The following TTC27 variants were observed in gnomAD, a reference collection of about 807,000 sequenced individuals.
The protein encoded by TTC27 is tetratricopeptide repeat domain 27.
A neutral mutation model predicts 115.9 loss-of-function variants in TTC27; 79 were observed. The observed-to-expected ratio is 0.68, with a 90% CI of 0.57 to 0.82. The LOEUF is 0.82. TTC27 is among the 40% of genes least tolerant of loss of function. The pLI is 0.00. For synonymous variants in TTC27, 401 were observed against 356.0 expected (o/e 1.13, Z -1.42); for missense variants, 1,054 against 993.1 (o/e 1.06, Z -0.82).
rs3081615 is a variant in TTC27 at position 32,795,725 on chromosome 2, G to GTATTATTATTATTATTATTATTATTAT, written c.1998+8581_1998+8607dup. On this transcript the variant is annotated intron_variant, in intron 16 of 19. Transcript: ENST00000317907. ...ATGTCACCATGCCCGGCTAATTTTT[G>GTATTATTATTATTATTATTATTATTAT]TATTATTATTATTATTATTATTATT... Among the ~76,000 whole-genome samples, 1,035 of 138,672 alleles carry GTATTATTATTATTATTATTATTATTAT rather than the reference G, an allele frequency of 7.5e-3. 6 individuals carry two copies. Among genetic ancestry groups the GTATTATTATTATTATTATTATTATTAT allele is most frequent in the South Asian group, 0.012 (48 of 4,112 alleles). The allele number at this position is 138,672 out of a possible 152,430, so 91.0% of individuals were successfully genotyped here. A position where few individuals can be genotyped will look rare whatever the true frequency, so the allele number is the denominator to read the frequency against.
At chr2:32,790,918 G>C (rs939122834) in intron 16 of TTC27, among the ~76,000 whole-genome samples, 1 of 152,112 alleles carries the variant, frequency 6.6e-6, no homozygotes, top group Non-Finnish European at 1.5e-5. Flanking sequence ...GTTTTGCTCA[G>C]TCCTTACCTA....
chr2:32,679,026 A>ATTTCCTTAGGTGGCAGT, intron 9 of TTC27, 104 bp downstream of exon 9: 1 of 922,746 alleles, frequency 1.1e-6, no homozygotes, highest in Non-Finnish European at 1.7e-6. Flanking sequence ...CTGCCACCTA[A>ATTTCCTTAGGTGGCAGT]GGAAATAAGG....
At chr2:32,806,634 T>A (rs9679050) in intron 16 of TTC27, among the ~76,000 whole-genome samples, 1 of 151,746 alleles carries the variant, frequency 6.6e-6, no homozygotes, top group Non-Finnish European at 1.5e-5. Context: ...CAGAAAAAAT[T>A]AGCCGGGCAT....
At chr2:32,685,742 A>G (rs1368014916) in intron 9 of TTC27, among the ~76,000 whole-genome samples, 1 of 152,214 alleles carries the variant, frequency 6.6e-6, no homozygotes, top group Non-Finnish European at 1.5e-5. Flanking sequence ...GATTAAGTGC[A>G]TCTAGCTAAA....
rs559076763 is a variant in TTC27 at position 32,788,565 on chromosome 2, G to A, written c.1998+1416G>A. On this transcript the variant is annotated intron_variant, in intron 16 of 19. Coordinates refer to ENST00000317907, the MANE Select transcript of TTC27 (RefSeq NM_017735.5). ...GTCAGTCTGATCCTGTTAATCTTCTGTCCTGTGCCTCCATTTTCTAACTAA... is the reference window on the plus strand; with the variant it reads ...GTCAGTCTGATCCTGTTAATCTTCTATCCTGTGCCTCCATTTTCTAACTAA... Among the ~76,000 whole-genome samples, 22 of 152,276 alleles carry A rather than the reference G, an allele frequency of 1.4e-4. No individual in the cohort carries two copies. In the South Asian group the frequency reaches 4.4e-3, roughly 30 times the overall value.
chr2:32,797,173 C>CAA lies in TTC27; in HGVS notation c.1998+10041_1998+10042dup, dbSNP rs61136534. Among the ~76,000 whole-genome samples, 571 of 80,478 alleles carry CAA rather than the reference C, an allele frequency of 7.1e-3. 10 individuals carry two copies. The highest frequency in any genetic ancestry group is 0.022 in the African/African-American group (492 of 22,436). 52.8% of individuals were successfully genotyped at this position (80,478 alleles called of 152,430 possible). A position where few individuals can be genotyped will look rare whatever the true frequency, so the allele number is the denominator to read the frequency against. The stretch of plus-strand genomic sequence containing the variant: ...TGGGAGACAGAGTGAAACTCTGTCT[C>CAA]AAAAAAAAAAAAAAAAAAGAGACAG... On this transcript the variant is annotated intron_variant, in intron 16 of 19. Transcript: ENST00000317907.
chr2:32,695,346 G>A (rs952208576), intron 9 of TTC27, among the ~76,000 whole-genome samples: 6 of 152,092 alleles, frequency 3.9e-5, no homozygotes, highest in Non-Finnish European at 8.8e-5. Context: ...CACTTTGGGA[G>A]GCCAAGGCGG....
chr2:32,661,836 G>C (rs147192352), intron 5 of TTC27, among the ~76,000 whole-genome samples: 258 of 152,240 alleles, frequency 1.7e-3, no homozygotes, highest in Admixed American at 3.9e-3. Flanking sequence ...GGGCATCCTT[G>C]TCTTGTGCCA....
intron 15 of TTC27, among the ~76,000 whole-genome samples, chr2:32,782,917 T>G (rs1344435415): frequency 6.6e-6 from 1 of 152,204 alleles, no homozygotes; most frequent in Non-Finnish European, 1.5e-5. Context: ...ACTTGAAATC[T>G]TTATTTATTA....
chr2:32,733,906 C>G lies in TTC27; in HGVS notation c.1312C>G (p.Pro438Ala). 3 of 1,610,422 alleles carry G rather than the reference C, an allele frequency of 1.9e-6. No homozygotes were observed. The highest frequency in any genetic ancestry group is 2.5e-6 in the Non-Finnish European group (3 of 1,177,974). ...LKIFYCCQVPPHWAIQRQLAS... is the reference protein window; with the variant it reads ...LKIFYCCQVPAHWAIQRQLAS... ...GATTTTCTATTGCTGTCAAGTACCA[C>G]CTCACTGGGCCATTCAGGTATTTCT... The change falls in exon 11 of 20, where the codon CCT becomes GCT. Residue 438 changes from proline to alanine, a missense_variant. Pro to Ala is a conservative substitution (Grantham distance 27). Coordinates refer to ENST00000317907, the MANE Select transcript of TTC27 (RefSeq NM_017735.5).
chr2:32,780,350 C>A (rs561129549), intron 14 of TTC27, among the ~76,000 whole-genome samples: 10 of 152,238 alleles, frequency 6.6e-5, no homozygotes, highest in African/African-American at 2.2e-4. Context: ...TTATAGTTTT[C>A]AGAGTGTAAG....
chr2:32,666,028 G>T (rs1357257388), intron 6 of TTC27, among the ~76,000 whole-genome samples: 1 of 152,212 alleles, frequency 6.6e-6, no homozygotes, highest in Non-Finnish European at 1.5e-5. Context: ...AGACTTTCTA[G>T]ACTGGTCTTT....
At chr2:32,657,979 G>C (rs1244442605) in intron 5 of TTC27, among the ~76,000 whole-genome samples, 1 of 152,182 alleles carries the variant, frequency 6.6e-6, no homozygotes, top group Non-Finnish European at 1.5e-5. Context: ...ACAGGCGCGT[G>C]CCAGCACGCC....
intron 10 of TTC27, among the ~76,000 whole-genome samples, chr2:32,725,480 G>C (rs1353189090): frequency 6.6e-6 from 1 of 152,152 alleles, no homozygotes; most frequent in African/African-American, 2.4e-5. Context: ...AAATCTGAAA[G>C]CTCCAAAATG....
At chr2:32,723,474 C>T (rs532567880) in intron 10 of TTC27, among the ~76,000 whole-genome samples, 9 of 152,056 alleles carry the variant, frequency 5.9e-5, no homozygotes, top group Non-Finnish European at 1.3e-4. Flanking sequence ...TTTCTCTCTC[C>T]CCAGGTACAC....
intron 12 of TTC27, among the ~76,000 whole-genome samples, chr2:32,755,103 TG>T (rs1327326642): frequency 1.3e-5 from 2 of 150,580 alleles, no homozygotes; most frequent in African/African-American, 4.9e-5. Context: ...CTAGATGGGA[TG>T]GCGGGCGGGC....
chr2:32,820,025 C>T (rs1445612097), intron 19 of TTC27, among the ~76,000 whole-genome samples: 2 of 152,180 alleles, frequency 1.3e-5, no homozygotes, highest in East Asian at 3.8e-4. Context: ...TGGAGCAGTT[C>T]CTACTTCATT....
intron 10 of TTC27, among the ~76,000 whole-genome samples, chr2:32,724,717 A>T (rs910624085): frequency 6.6e-6 from 1 of 152,206 alleles, no homozygotes; most frequent in African/African-American, 2.4e-5. Context: ...AGATGAACTG[A>T]TTATTCAGAC....
intron 16 of TTC27, among the ~76,000 whole-genome samples, chr2:32,798,073 C>T (rs1670770118): frequency 6.6e-6 from 1 of 150,772 alleles, no homozygotes. Flanking sequence ...CCACCTTACA[C>T]CCACTAGGAT....
Sources: allele counts gnomAD v4.1 joint callset (sites outside exome capture counted in the v4.1 genomes callset), GRCh38; gene constraint gnomAD v4.1.1; transcripts MANE v1.5; gene names NCBI Gene and HGNC (gene_info 2026-07-23, HGNC 2026-07-21).